The following CUBN variants were observed in gnomAD, a reference collection of about 807,000 sequenced individuals.
CUBN encodes the protein 460 kDa receptor.
Under a neutral mutation model 405.3 loss-of-function variants are expected in CUBN, and 282 were observed. The observed-to-expected ratio is 0.70, with a 90% CI of 0.63 to 0.77. The LOEUF (loss-of-function observed/expected upper bound fraction) is 0.77, where lower values mean the gene tolerates loss of function less well. Ranked by LOEUF, CUBN falls within the 30% of genes least tolerant of loss-of-function variation. The probability of loss-of-function intolerance (pLI) is 0.00; values close to 1 mark genes in which losing one functional copy is unlikely to be tolerated. For missense variants in CUBN, 4,514 were observed against 4,475.2 expected (o/e 1.01, Z -0.25); for synonymous variants, 1,684 against 1,617.0 (o/e 1.04, Z -0.99).
In CUBN at chr10:16,963,548, T is replaced by A. The variant is rs183316176; in HGVS notation, c.4696-9000A>T. On this transcript the variant is annotated intron_variant, in intron 31 of 66. Transcript: ENST00000377833. The stretch of plus-strand genomic sequence containing the variant: ...AAAGTTAAAAGCTAGCAATTCCACT[T>A]CTGCAGGTTTACACTAGAGAAAGTC... Among the ~76,000 whole-genome samples the A allele has an allele frequency of 3.2e-3, 480 of 152,322 alleles. 2 individuals are homozygous for A. The highest frequency in any genetic ancestry group is 0.011 in the African/African-American group (458 of 41,566).
intron 40 of CUBN, among the ~76,000 whole-genome samples, chr10:16,930,188 G>T (rs562481670): frequency 1.1e-4 from 16 of 152,308 alleles, no homozygotes; most frequent in African/African-American, 3.9e-4. Context: ...TCTTTCTCTA[G>T]TCCAACCTCT....
chr10:17,056,802 C>T (rs908417235), intron 22 of CUBN, among the ~76,000 whole-genome samples: 15 of 152,108 alleles, frequency 9.9e-5, no homozygotes, highest in African/African-American at 2.7e-4. Flanking sequence ...ACTTGCAATA[C>T]ATTTATCTGG....
chr10:16,955,455 T>A (rs55873797), intron 31 of CUBN, among the ~76,000 whole-genome samples: 7,381 of 151,024 alleles, frequency 0.049, 245 homozygotes, highest in East Asian at 0.15. Context: ...TCTTGCCTAG[T>A]GCCATGCTGG....
chr10:17,071,955 GT>G lies in CUBN; in HGVS notation c.2317del (p.Thr773ProfsTer28). 1 of 1,612,578 alleles carries G rather than the reference GT, an allele frequency of 6.2e-7. No homozygotes were observed. Among genetic ancestry groups the G allele is most frequent in the Non-Finnish European group, 8.5e-7 (1 of 1,179,374 alleles). On this transcript the variant is annotated frameshift_variant, in exon 18 of 67. Transcript: ENST00000377833. LOFTEE classifies it high-confidence loss of function. ...GTTGCCACAGACTTTTCCAAGTAAG[GT>G]TTCACCATCTCGAACCTAAAGAGAA... Reference protein sequence around the residue: ...QNYIEVRDGETLLGKVCGNGT... With the variant: ...QNYIEVRDGEXLLGKVCGNGT...
rs1202738491 is a variant in CUBN, at chr10:16,907,512, A to G, written c.7701T>C (p.Asp2567=). 2 of 1,614,032 alleles carry G rather than the reference A, an allele frequency of 1.2e-6. No homozygotes were observed. The highest frequency in any genetic ancestry group is 2.7e-5 in the African/African-American group (2 of 74,924). ...GFTASYTSSE[D]AVCGGSLPNT... is the part of the protein sequence containing the mutation. Reference sequence around the variant, plus strand: ...ATTTACAACATCCTACATTACCTGCATCTTCACTGGAGGTATAGGAAGCAG... The same window carrying G: ...ATTTACAACATCCTACATTACCTGCGTCTTCACTGGAGGTATAGGAAGCAG... The change falls in exon 49 of 67, where the codon GAT becomes GAC. Residue 2567 remains aspartate, a synonymous_variant. Coordinates refer to ENST00000377833, the MANE Select transcript of CUBN (RefSeq NM_001081.4).
At position 16,910,048 on chromosome 10, in the gene CUBN, T is replaced by G. The variant is rs527288163; in HGVS notation, c.7534-2369A>C. The stretch of plus-strand genomic sequence containing the variant: ...CTTCTTTCTTCTTCACTCTTTTCTT[T>G]TTTTTCTTTCATCTTTTACTTCTTC... On this transcript the variant is annotated intron_variant, in intron 48 of 66. Transcript: ENST00000377833. Among the ~76,000 whole-genome samples the G allele has an allele frequency of 1.4e-3, 215 of 152,268 alleles. 1 individual carries two copies. Among genetic ancestry groups the G allele is most frequent in the Non-Finnish European group, 2.1e-3 (145 of 68,016 alleles).
intron 59 of CUBN, among the ~76,000 whole-genome samples, chr10:16,866,186 A>C (rs1043562097): frequency 2.6e-5 from 4 of 152,206 alleles, no homozygotes; most frequent in African/African-American, 9.6e-5. Flanking sequence ...TTTTAGAAAA[A>C]AAAAATGAAA....
In CUBN at chr10:16,998,571, A is replaced by T. The variant is rs1833797741; in HGVS notation, c.4169-8056T>A. Among the ~76,000 whole-genome samples, 7 of 152,240 alleles carry T rather than the reference A, an allele frequency of 4.6e-5. No homozygotes were observed. The South Asian group carries it at 1.4e-3, about 32-fold the overall frequency. On this transcript the variant is annotated intron_variant, in intron 28 of 66. Transcript: ENST00000377833. ...CACCCAGTTTGTGGTACTTAGTTAC[A>T]GTAGCCCTAAGAAGCTAATGTATCC...
At chr10:16,980,454 A>G (rs538887896) in intron 31 of CUBN, among the ~76,000 whole-genome samples, 5 of 152,382 alleles carry the variant, frequency 3.3e-5, no homozygotes, top group South Asian at 2.1e-4. Context: ...ATGTGCATCA[A>G]TGATAGGCTG....
chr10:16,937,662 T>G lies in CUBN; in HGVS notation c.5856A>C (p.Ser1952=). Residue 1952 remains serine (S), a synonymous_variant, in exon 39 of 67, where the codon TCA becomes TCC. Transcript: ENST00000377833. ...ACCACTCCAGAAGGAATCCCTTCCC[T>G]GAGATTGAAGAGTCGGAGTAAAAAT... ...TFHFYSDSSI[S]GKGFLLEWFA... 19 of 1,612,804 alleles carry G rather than the reference T, an allele frequency of 1.2e-5. No homozygotes were observed. Among genetic ancestry groups the G allele is most frequent in the Non-Finnish European group, 1.5e-5 (18 of 1,179,120 alleles).
Position 17,115,315 on chromosome 10 carries a change from G to C in CUBN, c.720+156C>G, listed in dbSNP as rs12241493. 0.89 allele frequency among the ~76,000 whole-genome samples: 135,525 copies of C among 151,524 alleles called. 61,085 individuals are homozygous for C. Among genetic ancestry groups the C allele is most frequent in the Non-Finnish European group, 0.95 (64,916 of 68,014 alleles). Reference sequence around the variant, plus strand: ...ATCTCTGGGTCCTACTTCCTGCATAGTTCATCTCCCCTCCTCGCCTATGTC... The same window carrying C: ...ATCTCTGGGTCCTACTTCCTGCATACTTCATCTCCCCTCCTCGCCTATGTC... On this transcript the variant is annotated intron_variant, in intron 7 of 66. Transcript: ENST00000377833.
chr10:16,956,479 A>C (rs1843068211), intron 31 of CUBN, among the ~76,000 whole-genome samples: 1 of 152,036 alleles, frequency 6.6e-6, no homozygotes, highest in Admixed American at 6.6e-5. Flanking sequence ...TGAACACTGT[A>C]AACAGTAGAC....
chr10:16,940,309 T>C (rs1588501660), intron 36 of CUBN, 72 bp from the exon 37 acceptor site: 2 of 1,356,454 alleles, frequency 1.5e-6, no homozygotes, highest in Non-Finnish European at 2.1e-6. Flanking sequence ...CCGGATCACA[T>C]GCTAGGTTAA....
chr10:17,046,151 C>T lies in CUBN; in HGVS notation c.3330-57G>A, dbSNP rs1314998802. ...GTTACTGACAATATTACTGTATAAACATTTAACATAATTTGAACTTTGGGA... is the reference window on the plus strand; with the variant it reads ...GTTACTGACAATATTACTGTATAAATATTTAACATAATTTGAACTTTGGGA... On this transcript the variant is annotated intron_variant, in intron 23 of 66. Transcript: ENST00000377833. The T allele has an allele frequency of 2.0e-6, 3 of 1,490,290 alleles. No homozygotes were observed. The East Asian group carries it at 6.8e-5, about 34-fold the overall frequency. 92.3% of individuals were successfully genotyped at this position (1,490,290 alleles called of 1,614,324 possible).
chr10:16,869,183 T>C (rs929039828), intron 59 of CUBN, among the ~76,000 whole-genome samples: 1 of 147,698 alleles, frequency 6.8e-6, no homozygotes, highest in Admixed American at 6.7e-5. Context: ...TTTTTTTTTT[T>C]GAGACAGAGT....
chr10:17,043,826 C>T lies in CUBN; in HGVS notation c.3829+1G>A, dbSNP rs1349644537. 11 of 1,612,380 alleles carry T rather than the reference C, an allele frequency of 6.8e-6. No homozygotes were observed. The highest frequency in any genetic ancestry group is 9.3e-6 in the Non-Finnish European group (11 of 1,178,972). On this transcript the variant is annotated splice_donor_variant, in intron 26 of 66. Transcript: ENST00000377833. LOFTEE classifies it high-confidence loss of function. Reference sequence around the variant, plus strand: ...CTTACTCTGCCGGTATTCACACTTACTCTGCCGGTATTCAGCCTTGAAGCC... The same window carrying T: ...CTTACTCTGCCGGTATTCACACTTATTCTGCCGGTATTCAGCCTTGAAGCC...
Position 16,890,404 on chromosome 10 carries a change from G to C in CUBN, c.8722C>G (p.Pro2908Ala). Residue 2908 changes from proline (P) to alanine (A), a missense_variant, in exon 55 of 67, where the codon CCA (proline) becomes GCA (alanine). By Grantham distance (27) the Pro-to-Ala change is conservative (BLOSUM62 -1). Around this residue, in one of 5 missense-constraint regions of CUBN, gnomAD observed 1,186 missense variants for 1,186.9 expected, o/e 1.00. Coordinates refer to ENST00000377833, the MANE Select transcript of CUBN (RefSeq NM_001081.4). ...FTAVFQSQEA[P>A]AQGFSASFVS... ...AAGGACGCGGAGAAGCCCTGAGCTG[G>C]TGCCTCCTGAGACTGGAAGACGGCA... 11 of 1,613,848 alleles carry C rather than the reference G, an allele frequency of 6.8e-6. No homozygotes were observed. The highest frequency in any genetic ancestry group is 9.3e-6 in the Non-Finnish European group (11 of 1,180,026).
At chr10:16,835,350 G>A (rs1839137529) in intron 63 of CUBN, among the ~76,000 whole-genome samples, 155 bp from the exon 64 acceptor site, 1 of 152,216 alleles carries the variant, frequency 6.6e-6, no homozygotes, top group Non-Finnish European at 1.5e-5. Flanking sequence ...TTGAGACCCT[G>A]AGCAGTGAAG....
chr10:16,875,478 A>G (rs4747286), intron 57 of CUBN, among the ~76,000 whole-genome samples: 43,344 of 152,052 alleles, frequency 0.29, 7,656 homozygotes, highest in African/African-American at 0.48. Context: ...GAACAAATTG[A>G]GGCTGCCATG....
Sources: allele counts gnomAD v4.1 joint callset (sites outside exome capture counted in the v4.1 genomes callset), GRCh38; gene constraint gnomAD v4.1.1; regional missense constraint gnomAD v4.1.1; transcripts MANE v1.5; gene names NCBI Gene and HGNC (gene_info 2026-07-23, HGNC 2026-07-21).